The following KIDINS220 variants were observed in gnomAD, a reference collection of about 807,000 sequenced individuals.
The protein encoded by KIDINS220 is kinase D-interacting substrate of 220 kDa.
Under a neutral mutation model 157.6 loss-of-function variants are expected in KIDINS220, and 63 were observed. The observed-to-expected ratio is 0.40, with a 90% CI of 0.33 to 0.49. The LOEUF (loss-of-function observed/expected upper bound fraction) is 0.49. Ranked by LOEUF, KIDINS220 falls within the 20% of genes least tolerant of loss-of-function variation. The pLI, the probability that KIDINS220 is intolerant of heterozygous loss-of-function variation, is 0.66. For missense variants in KIDINS220, 1,772 were observed against 2,171.2 expected (o/e 0.82, Z 3.65); for synonymous variants, 732 against 783.6 (o/e 0.93, Z 1.10).
At chr2:8,800,622 CTAAA>C (rs1674557590) in intron 8 of KIDINS220, 124 bp from the exon 9 acceptor site, 1 of 666,076 alleles carries the variant, frequency 1.5e-6, no homozygotes, top group Admixed American at 2.8e-5. Flanking sequence ...AAGTCTACCT[CTAAA>C]TAAGAGAAAA....
intron 26 of KIDINS220, among the ~76,000 whole-genome samples, chr2:8,744,380 A>T (rs1572461306): frequency 8.6e-4 from 27 of 31,258 alleles, no homozygotes; most frequent in East Asian, 2.7e-3. Context: ...AAAAAAAAAA[A>T]AAAAAAAAAT....
chr2:8,746,165 C>T (rs1056803507), intron 26 of KIDINS220, among the ~76,000 whole-genome samples: 1 of 150,318 alleles, frequency 6.7e-6, no homozygotes, highest in Admixed American at 6.6e-5. Context: ...TGCAGCGGTG[C>T]GATCTCGGCT....
Position 8,785,958 on chromosome 2 carries a change from A to G in KIDINS220, c.2012T>C (p.Ile671Thr), listed in dbSNP as rs551879432. Reference sequence around the variant, plus strand: ...TATAGCCAGAAGAGTAATTCCAGATATAATGCAGCCAATGATAAAAAGGAA... The same window carrying G: ...TATAGCCAGAAGAGTAATTCCAGATGTAATGCAGCCAATGATAAAAAGGAA... ...VIFLFIIGCI[I>T]SGITLLAIFR... Residue 671 changes from isoleucine (I) to threonine (T), a missense_variant, in exon 17 of 30, where the codon ATA (isoleucine) becomes ACA (threonine). Ile to Thr is a moderately conservative substitution (Grantham distance 89). Around this residue, in one of 3 missense-constraint regions of KIDINS220, gnomAD observed 725 missense variants for 1,017.1 expected, o/e 0.71. Transcript: ENST00000256707. The G allele has an allele frequency of 9.3e-6, 15 of 1,613,642 alleles. 1 individual carries two copies. In the South Asian group the frequency reaches 1.7e-4, roughly 18 times the overall value.
intron 27 of KIDINS220, 57 bp downstream of exon 27, chr2:8,736,811 A>G (rs1365608499): frequency 1.3e-6 from 2 of 1,588,882 alleles, no homozygotes; most frequent in East Asian, 2.2e-5. Context: ...CGACCCACAC[A>G]GTCCTGTCTT....
intron 7 of KIDINS220, among the ~76,000 whole-genome samples, chr2:8,804,941 T>A (rs985690606): frequency 5.9e-5 from 9 of 152,264 alleles, no homozygotes; most frequent in African/African-American, 2.2e-4. Flanking sequence ...CTGCCCCCGC[T>A]TCCCATGCCA....
At chr2:8,818,951 C>T (rs1677499935) in intron 2 of KIDINS220, among the ~76,000 whole-genome samples, 158 bp from the exon 3 acceptor site, 1 of 152,114 alleles carries the variant, frequency 6.6e-6, no homozygotes. Context: ...CTTTAAGTTT[C>T]AGTTTACTAA....
At chr2:8,744,402 ATATATATATATATATATATATATATAT>A (rs1666241921) in intron 26 of KIDINS220, among the ~76,000 whole-genome samples, 1 of 3,388 alleles carries the variant, frequency 3.0e-4, no homozygotes, top group African/African-American at 8.7e-4. Flanking sequence ...TATATATATA[ATATATATATATATATATATATATATAT>A]ATATATATAT....
Position 8,776,904 on chromosome 2 carries a change from C to G in KIDINS220, c.2704-12G>C. 2 of 1,612,162 alleles carry G rather than the reference C, an allele frequency of 1.2e-6. No individual in the cohort carries two copies. Among genetic ancestry groups the G allele is most frequent in the Non-Finnish European group, 1.7e-6 (2 of 1,179,130 alleles). ...CTTCGGTAAGTGTCCTGAAACAGCA[C>G]GTCGTCAGTGAGAAGGAACCCACGC... On this transcript the variant is annotated splice_polypyrimidine_tract_variant and intron_variant, in intron 20 of 29. Coordinates refer to ENST00000256707, the MANE Select transcript of KIDINS220 (RefSeq NM_020738.4).
rs200625902 is a variant in KIDINS220, at chr2:8,747,866, G to A, written c.3528+21C>T. On this transcript the variant is annotated intron_variant, in intron 25 of 29. Coordinates refer to ENST00000256707, the MANE Select transcript of KIDINS220 (RefSeq NM_020738.4). ...TGTTTATTATTAAATTAATATTTGC[G>A]TTACCCTTTTATATACTTACTAGGC... is the stretch of plus-strand genomic sequence containing the variant. The A allele has an allele frequency of 5.4e-5, 77 of 1,417,582 alleles. 1 individual carries two copies. Among genetic ancestry groups the A allele is most frequent in the African/African-American group, 4.1e-4 (28 of 68,388 alleles). 87.8% of individuals were successfully genotyped at this position (1,417,582 alleles called of 1,614,324 possible).
chr2:8,775,708 T>C (rs1670872383), intron 21 of KIDINS220, among the ~76,000 whole-genome samples: 1 of 152,138 alleles, frequency 6.6e-6, no homozygotes, highest in Admixed American at 6.6e-5. Context: ...TTGAGGAGCT[T>C]TGCTGAGAAA....
intron 21 of KIDINS220, among the ~76,000 whole-genome samples, chr2:8,771,119 C>A (rs1217961601): frequency 1.3e-5 from 2 of 152,164 alleles, no homozygotes; most frequent in Non-Finnish European, 2.9e-5. Context: ...AAACATCTTT[C>A]AGAACTGTGT....
chr2:8,796,031 G>A (rs1673865344), intron 11 of KIDINS220, among the ~76,000 whole-genome samples: 1 of 152,044 alleles, frequency 6.6e-6, no homozygotes, highest in South Asian at 2.1e-4. Context: ...GTTGTAACAT[G>A]GCAAAATGAA....
intron 26 of KIDINS220, among the ~76,000 whole-genome samples, chr2:8,742,137 T>G (rs1055299087): frequency 1.3e-5 from 2 of 152,214 alleles, no homozygotes; most frequent in African/African-American, 4.8e-5. Flanking sequence ...ACTTTTTTTT[T>G]TGAGACAAGG....
chr2:8,764,501 A>G (rs1669189710), intron 22 of KIDINS220, among the ~76,000 whole-genome samples: 1 of 152,246 alleles, frequency 6.6e-6, no homozygotes, highest in Non-Finnish European at 1.5e-5. Flanking sequence ...AGTTACAGGG[A>G]ATGCCTTCAA....
At chr2:8,789,831 A>C (rs1403160248) in intron 14 of KIDINS220, 49 bp downstream of exon 14, 1 of 1,353,532 alleles carries the variant, frequency 7.4e-7, no homozygotes, top group East Asian at 2.4e-5. Flanking sequence ...TTATCTATGA[A>C]TCTTAACGTT....
chr2:8,818,812 A>T lies in KIDINS220; in HGVS notation c.109-19T>A. 1.4e-6 allele frequency: 2 copies of T among 1,431,642 alleles called. No individual in the cohort carries two copies. The highest frequency in any genetic ancestry group is 2.9e-5 in the African/African-American group (2 of 70,172). The allele number at this position is 1,431,642 out of a possible 1,614,324, so 88.7% of individuals were successfully genotyped here. On this transcript the variant is annotated intron_variant, in intron 2 of 29. Coordinates refer to ENST00000256707, the MANE Select transcript of KIDINS220 (RefSeq NM_020738.4). ...GGCCACACTAGAGAATATAAAAGAC[A>T]AAGGGAACTTATCAAGTTACTGCAC...
intron 1 of KIDINS220, among the ~76,000 whole-genome samples, chr2:8,829,864 T>C (rs1284550672): frequency 6.6e-6 from 1 of 152,038 alleles, no homozygotes; most frequent in Non-Finnish European, 1.5e-5. Context: ...TTCCCACTCC[T>C]TCTAGGATCA....
At position 8,786,339 on chromosome 2, in the gene KIDINS220, G is replaced by A. The variant is rs200916069; in HGVS notation, c.1806C>T (p.Tyr602=). 1.7e-5 allele frequency: 28 copies of A among 1,613,128 alleles called. No individual in the cohort carries two copies. Among genetic ancestry groups the A allele is most frequent in the Middle Eastern group, 1.7e-4 (1 of 6,058 alleles). ...CTCCACCTACACTGGACAGTCTATT[G>A]TAATCTGTAAACAAAAACCTTGAAG... is the stretch of plus-strand genomic sequence containing the variant. ...ALPVRFLFTD[Y]NRLSSVGGET... is the part of the protein sequence containing the mutation. The change falls in exon 16 of 30, where the codon TAC becomes TAT. Residue 602 remains tyrosine, a synonymous_variant. Coordinates refer to ENST00000256707, the MANE Select transcript of KIDINS220 (RefSeq NM_020738.4).
At chr2:8,766,154 G>T (rs1202434752) in intron 22 of KIDINS220, among the ~76,000 whole-genome samples, 2 of 151,900 alleles carry the variant, frequency 1.3e-5, no homozygotes, top group Admixed American at 1.3e-4. Flanking sequence ...CCTCCAAAAG[G>T]GGTCCATGAA....
Sources: gnomAD v4.1 joint callset for allele counts (sites outside exome capture counted in the v4.1 genomes callset) on GRCh38, gnomAD v4.1.1 for gene constraint, gnomAD v4.1.1 regional missense constraint, MANE v1.5 for transcripts, NCBI Gene and HGNC (gene_info 2026-07-23, HGNC 2026-07-21) for gene names.